The following KIF1A variants were observed in gnomAD, a reference collection of about 807,000 sequenced individuals.
KIF1A encodes kinesin-like protein KIF1A.
KIF1A carries 46 observed loss-of-function variants against 227.3 expected under a neutral mutation model. The observed-to-expected ratio is 0.20, with a 90% CI of 0.16 to 0.26. KIF1A has a LOEUF of 0.26. Among genes scored for constraint, KIF1A ranks in the 10% least tolerant of loss-of-function variants. KIF1A has a pLI of 1.00. For missense variants in KIF1A, 1,683 were observed against 2,485.9 expected (o/e 0.68, Z 6.87); for synonymous variants, 1,022 against 1,012.8 (o/e 1.01, Z -0.17).
At chr2:240,720,658 G>T (rs1240666486) in intron 45 of KIF1A, 2 of 338,596 alleles carry the variant, frequency 5.9e-6, no homozygotes, top group African/African-American at 4.2e-5. Context: ...GGGAGCTTTA[G>T]CTTATTTTCC....
intron 17 of KIF1A, 121 bp from the exon 18 acceptor site, chr2:240,767,466 G>A: frequency 1.3e-6 from 1 of 777,672 alleles, no homozygotes; most frequent in East Asian, 2.7e-5. Context: ...CCCCGCACTT[G>A]GCTGGTGCCA....
chr2:240,807,704 T>A (rs574418340), intron 1 of KIF1A, among the ~76,000 whole-genome samples: 1 of 152,224 alleles, frequency 6.6e-6, no homozygotes, highest in Non-Finnish European at 1.5e-5. Context: ...AATTTTAGCA[T>A]CAAAGTAAAC....
chr2:240,791,306 G>C (rs1460083198), intron 2 of KIF1A, among the ~76,000 whole-genome samples: 1 of 152,148 alleles, frequency 6.6e-6, no homozygotes, highest in Non-Finnish European at 1.5e-5. Flanking sequence ...CCCTAGCACA[G>C]CCCGGCTGGG....
chr2:240,737,226 G>GTGACCTGT, intron 37 of KIF1A, 58 bp from the exon 38 acceptor site: 1 of 1,397,492 alleles, frequency 7.2e-7, no homozygotes, highest in Non-Finnish European at 1.0e-6. Context: ...GGACCCTGGG[G>GTGACCTGT]GGCTGCCTCA....
In KIF1A at chr2:240,782,631, G is replaced by A. The variant is rs745850071; in HGVS notation, c.865-24C>T. 5.8e-6 allele frequency: 9 copies of A among 1,551,218 alleles called. No homozygotes were observed. The African/African-American group carries it at 1.1e-4, about 19-fold the overall frequency. On this transcript the variant is annotated intron_variant, in intron 9 of 48. Coordinates refer to ENST00000498729, the MANE Select transcript of KIF1A (RefSeq NM_001244008.2). ...TCCTGAAAAGGAAAAGACAGAGAGA[G>A]GCTGAGGCCCGGAGCGAAGCTGGCG...
At chr2:240,817,898 T>C (rs1217813556) in intron 1 of KIF1A, among the ~76,000 whole-genome samples, 1 of 152,220 alleles carries the variant, frequency 6.6e-6, no homozygotes, top group Non-Finnish European at 1.5e-5. Flanking sequence ...GGGCACAGGC[T>C]GGGCGGCCGG....
intron 22 of KIF1A, 32 bp from the exon 23 acceptor site, chr2:240,762,844 G>A (rs373667978): frequency 1.2e-5 from 19 of 1,547,490 alleles, no homozygotes; most frequent in East Asian, 7.2e-5. Flanking sequence ...ACTCCACTAC[G>A]GCCCTACCTG....
rs2053025919 is a variant in KIF1A, at chr2:240,778,106, A to G, written c.883-2180T>C. Reference sequence around the variant, plus strand: ...CTCGCGTTTCTCCACACGGTTCTTCACGCAGCTCCTCCTGCTTCCCCCTTT... The same window carrying G: ...CTCGCGTTTCTCCACACGGTTCTTCGCGCAGCTCCTCCTGCTTCCCCCTTT... On this transcript the variant is annotated intron_variant, in intron 10 of 48. Transcript: ENST00000498729. The surrounding 1 kb of genome is among the most constrained non-coding windows in gnomAD (Gnocchi z 7.2). Among the ~76,000 whole-genome samples, 1 of 151,798 alleles carries G rather than the reference A, an allele frequency of 6.6e-6. No homozygotes were observed. The highest frequency in any genetic ancestry group is 2.4e-5 in the African/African-American group (1 of 41,312).
At chr2:240,810,224 C>T (rs1429699388) in intron 1 of KIF1A, among the ~76,000 whole-genome samples, 1 of 152,138 alleles carries the variant, frequency 6.6e-6, no homozygotes, top group Non-Finnish European at 1.5e-5. Context: ...ATCTGCAACA[C>T]ATACAATTCA....
In KIF1A at chr2:240,778,501, C is replaced by T. The variant is rs1358035047; in HGVS notation, c.883-2575G>A. 7.1e-6 allele frequency among the ~76,000 whole-genome samples: 1 copy of T among 139,938 alleles called. No individual in the cohort carries two copies. Among genetic ancestry groups the T allele is most frequent in the African/African-American group, 2.8e-5 (1 of 35,682 alleles). 91.8% of individuals were successfully genotyped at this position (139,938 alleles called of 152,430 possible). Reference sequence around the variant, plus strand: ...GCTCTCAGCAGGCGCTCGCAGCTCCCGCACAGCGTTACACACACACACACA... The same window carrying T: ...GCTCTCAGCAGGCGCTCGCAGCTCCTGCACAGCGTTACACACACACACACA... On this transcript the variant is annotated intron_variant, in intron 10 of 48. Coordinates refer to ENST00000498729, the MANE Select transcript of KIF1A (RefSeq NM_001244008.2). This position sits in a 1 kb window ranked among gnomAD's most constrained non-coding sequence, Gnocchi z 7.2.
chr2:240,732,342 T>G (rs1233481072), intron 38 of KIF1A, among the ~76,000 whole-genome samples: 257 of 35,872 alleles, frequency 7.2e-3, no homozygotes, highest in African/African-American at 0.011. Context: ...GGTGAAGGAG[T>G]GAGGGAGAGA....
Position 240,719,156 on chromosome 2 carries a change from C to T in KIF1A, c.5064G>A (p.Pro1688=), listed in dbSNP as rs527977882. ...AGCGCCTGGCCCAGCCTGACGTGTG[C>T]GGCTCCAGGAAGTGCAGGTACCCCT... ...SKKGYLHFLE[P]HTSGWARRFV... Residue 1688 remains proline (P), a synonymous_variant, in exon 47 of 49, where the codon CCG becomes CCA. Transcript: ENST00000498729. 116 of 1,611,572 alleles carry T rather than the reference C, an allele frequency of 7.2e-5. No homozygotes were observed. Among genetic ancestry groups the T allele is most frequent in the Admixed American group, 1.8e-4 (11 of 59,828 alleles).
intron 45 of KIF1A, chr2:240,720,264 CACA>C (rs767605156): frequency 4.6e-6 from 1 of 218,138 alleles, no homozygotes; most frequent in Non-Finnish European, 9.0e-6. Context: ...TCTTCATCTC[CACA>C]ACTAGACTGA....
chr2:240,719,655 C>G (rs1168326987), intron 46 of KIF1A, 119 bp downstream of exon 46: 1 of 1,215,888 alleles, frequency 8.2e-7, no homozygotes, highest in Non-Finnish European at 1.1e-6. Flanking sequence ...CATCAGGCAA[C>G]CTGTCTGTCT....
intron 1 of KIF1A, among the ~76,000 whole-genome samples, chr2:240,813,676 C>T (rs1181297030): frequency 6.6e-6 from 1 of 151,796 alleles, no homozygotes; most frequent in Non-Finnish European, 1.5e-5. Context: ...CCCCCATGGA[C>T]ACCCCACCCC....
chr2:240,782,565 C>T (rs1439183108), intron 10 of KIF1A, 25 bp downstream of exon 10: 6 of 1,551,416 alleles, frequency 3.9e-6, no homozygotes, highest in Middle Eastern at 1.7e-4. Context: ...CCGCACCTGC[C>T]CCGGGGCTGA....
At position 240,781,286 on chromosome 2, in the gene KIF1A, TA is replaced by T. The variant is rs2053881441; in HGVS notation, c.882+1303del. Among the ~76,000 whole-genome samples the T allele has an allele frequency of 5.2e-3, 8 of 1,524 alleles. 2 individuals are homozygous for T. The African/African-American group carries it at 0.13, about 26-fold the overall frequency. 1.0% of individuals were successfully genotyped at this position (1,524 alleles called of 152,430 possible). On this transcript the variant is annotated intron_variant, in intron 10 of 48. Coordinates refer to ENST00000498729, the MANE Select transcript of KIF1A (RefSeq NM_001244008.2). ...ACAGCTCCACACACACACACACAGC[TA>T]CACACACACACAGCTCCACACACAC...
chr2:240,737,340 C>T, intron 37 of KIF1A, 172 bp from the exon 38 acceptor site: 1 of 567,136 alleles, frequency 1.8e-6, no homozygotes, highest in Admixed American at 2.7e-5. Flanking sequence ...CCTCAGCAAC[C>T]CAGGTGCCAT....
At chr2:240,733,058 G>A (rs2046938369) in intron 38 of KIF1A, among the ~76,000 whole-genome samples, 2 of 151,098 alleles carry the variant, frequency 1.3e-5, no homozygotes, top group Admixed American at 1.3e-4. Context: ...ATGAGAGGGT[G>A]AATGAGCTTC....
Sources: gnomAD v4.1 joint callset for allele counts (sites outside exome capture counted in the v4.1 genomes callset) on GRCh38, gnomAD v4.1.1 for gene constraint, Gnocchi (gnomAD v3.1) non-coding constraint, MANE v1.5 for transcripts, NCBI Gene and HGNC (gene_info 2026-07-23, HGNC 2026-07-21) for gene names.